The following PABPC4L variants were observed in gnomAD, a reference collection of about 807,000 sequenced individuals.
PABPC4L encodes poly(A) binding protein cytoplasmic 4 like, also known as polyadenylate-binding protein 4-like.
For synonymous variants in PABPC4L, 169 were observed against 164.1 expected (o/e 1.03, Z -0.23); for missense variants, 452 against 451.4 (o/e 1.00, Z -0.01).
At chr4:134,115,730 A>G in the PABPC4L span, among the ~76,000 whole-genome samples, 2 of 151,792 alleles carry the variant, frequency 1.3e-5, no homozygotes, top group African/African-American at 4.8e-5. Context: ...GTATGGTGAT[A>G]CTACATGAAG....
the PABPC4L span, among the ~76,000 whole-genome samples, chr4:134,098,007 TGA>T: frequency 1.2e-3 from 188 of 151,890 alleles, no homozygotes; most frequent in African/African-American, 4.4e-3. Context: ...TTATATTAAA[TGA>T]GATCTTATTC....
the PABPC4L span, among the ~76,000 whole-genome samples, chr4:134,073,550 T>C: frequency 6.8e-6 from 1 of 147,966 alleles, no homozygotes; most frequent in South Asian, 2.2e-4. Context: ...TGGAGGATGG[T>C]GGTTCTTTTC....
At chr4:134,041,084 G>A in the PABPC4L span, among the ~76,000 whole-genome samples, 1 of 152,132 alleles carries the variant, frequency 6.6e-6, no homozygotes, top group Non-Finnish European at 1.5e-5. Flanking sequence ...ATAGATGCTG[G>A]AGAGGATGTG....
chr4:134,079,052 A>G, the PABPC4L span, among the ~76,000 whole-genome samples: 2 of 135,862 alleles, frequency 1.5e-5, no homozygotes, highest in African/African-American at 5.7e-5. Context: ...GTTCACTGCA[A>G]CCTTCGCCTC....
the PABPC4L span, among the ~76,000 whole-genome samples, chr4:133,972,812 A>G: frequency 6.6e-6 from 1 of 152,196 alleles, no homozygotes; most frequent in Non-Finnish European, 1.5e-5. Context: ...GCACTGGGGT[A>G]AAGGGCCCTA....
chr4:133,962,188 A>C, the PABPC4L span, among the ~76,000 whole-genome samples: 3 of 152,236 alleles, frequency 2.0e-5, no homozygotes, highest in Admixed American at 1.3e-4. Flanking sequence ...AGAAGGAACC[A>C]GAAAACCAAC....
At chr4:134,051,339 GAA>G in the PABPC4L span, among the ~76,000 whole-genome samples, 2 of 152,098 alleles carry the variant, frequency 1.3e-5, no homozygotes, top group African/African-American at 4.8e-5. Flanking sequence ...CACAGATAGG[GAA>G]AGAGTCTAGC....
chr4:134,151,938 A>T, the PABPC4L span, among the ~76,000 whole-genome samples: 15 of 151,584 alleles, frequency 9.9e-5, no homozygotes, highest in African/African-American at 3.4e-4. Context: ...TGCAAAAAAT[A>T]ATGTAACATA....
the PABPC4L span, among the ~76,000 whole-genome samples, chr4:134,137,610 G>A: frequency 6.6e-6 from 1 of 151,702 alleles, no homozygotes; most frequent in South Asian, 2.1e-4. Context: ...CAAAACCCTG[G>A]AGTTCTTTTT....
the PABPC4L span, among the ~76,000 whole-genome samples, chr4:134,115,215 T>A: frequency 6.6e-6 from 1 of 151,936 alleles, no homozygotes; most frequent in East Asian, 1.9e-4. Flanking sequence ...ATTCATTGTT[T>A]ACTTCACACT....
At chr4:134,027,028 G>A in the PABPC4L span, among the ~76,000 whole-genome samples, 8 of 151,958 alleles carry the variant, frequency 5.3e-5, no homozygotes, top group African/African-American at 1.7e-4. Context: ...TGTTACAATC[G>A]CACTAGAAAA....
At chr4:134,046,704 T>G in the PABPC4L span, among the ~76,000 whole-genome samples, 3 of 152,164 alleles carry the variant, frequency 2.0e-5, no homozygotes, top group Non-Finnish European at 4.4e-5. Context: ...CAGTGCATTG[T>G]GCCCCTGGTT....
At chr4:134,052,483 TTTTA>T in the PABPC4L span, among the ~76,000 whole-genome samples, 1 of 152,218 alleles carries the variant, frequency 6.6e-6, no homozygotes, top group African/African-American at 2.4e-5. Flanking sequence ...CACTTTTGAA[TTTTA>T]TTTATCAAAA....
chr4:134,058,417 A>G, the PABPC4L span, among the ~76,000 whole-genome samples: 11 of 152,086 alleles, frequency 7.2e-5, no homozygotes, highest in South Asian at 2.1e-3. Context: ...TTCAAAGAAC[A>G]ATATTTGTCA....
chr4:133,994,627 T>C, the PABPC4L span, among the ~76,000 whole-genome samples: 1 of 152,058 alleles, frequency 6.6e-6, no homozygotes, highest in African/African-American at 2.4e-5. Flanking sequence ...ATAAGCAATT[T>C]TATTTCCAAT....
At chr4:133,999,402 C>T in the PABPC4L span, among the ~76,000 whole-genome samples, 2 of 152,130 alleles carry the variant, frequency 1.3e-5, no homozygotes, top group Non-Finnish European at 2.9e-5. Context: ...TGTAATGCTT[C>T]CTTTTGTCGT....
chr4:134,103,441 C>G, the PABPC4L span, among the ~76,000 whole-genome samples: 7 of 151,592 alleles, frequency 4.6e-5, no homozygotes, highest in African/African-American at 1.7e-4. Flanking sequence ...CCTCTCATCT[C>G]GTCTTGTAGA....
the PABPC4L span, among the ~76,000 whole-genome samples, chr4:134,117,150 C>G: frequency 6.6e-6 from 1 of 151,738 alleles, no homozygotes; most frequent in Non-Finnish European, 1.5e-5. Flanking sequence ...ATCTCCCATT[C>G]CATATTTTCA....
chr4:134,146,548 C>A, the PABPC4L span, among the ~76,000 whole-genome samples: 1 of 151,990 alleles, frequency 6.6e-6, no homozygotes, highest in African/African-American at 2.4e-5. Context: ...AGGAGTGTTA[C>A]AGATCTTTTG....
Sources: gnomAD v4.1 joint callset for allele counts (sites outside exome capture counted in the v4.1 genomes callset) on GRCh38, gnomAD v4.1.1 for gene constraint, MANE v1.5 for transcripts, NCBI Gene and HGNC (gene_info 2026-07-23, HGNC 2026-07-21) for gene names.